Variants in LOXL4 observed in about 807,000 individuals in gnomAD.
LOXL4 encodes the protein lysyl oxidase like 4.
Under a neutral mutation model 89.1 loss-of-function variants are expected in LOXL4, and 72 were observed. The observed-to-expected ratio is 0.81, with a 90% confidence interval of 0.67 to 0.98. The LOEUF is 0.98. LOXL4 is among the 50% of genes least tolerant of loss of function. LOXL4 has a pLI of 0.00. For synonymous variants in LOXL4, 355 were observed against 392.1 expected (o/e 0.91, Z 1.12); for missense variants, 984 against 1,017.5 (o/e 0.97, Z 0.45).
intron 10 of LOXL4, among the ~76,000 whole-genome samples, chr10:98,254,927 G>A (rs775311885): frequency 3.3e-5 from 5 of 152,336 alleles, no homozygotes; most frequent in South Asian, 2.1e-4. Context: ...ATTTGGCCAC[G>A]AACAAGGTCA....
At chr10:98,262,402 G>C (rs1040894788) in intron 2 of LOXL4, among the ~76,000 whole-genome samples, 189 bp from the exon 3 acceptor site, 9 of 152,206 alleles carry the variant, frequency 5.9e-5, no homozygotes, top group African/African-American at 2.2e-4. Context: ...TTTGGGTGCT[G>C]GCTCTTAGAG....
intron 14 of LOXL4, 41 bp from the exon 15 acceptor site, chr10:98,249,032 A>G: frequency 6.6e-7 from 1 of 1,521,072 alleles, no homozygotes; most frequent in Non-Finnish European, 9.1e-7. Flanking sequence ...CAACCTTTCC[A>G]GTCTCATCCC....
At position 98,248,700 on chromosome 10, in the gene LOXL4, T is replaced by G. The variant is rs964677810; in HGVS notation, c.*221A>C. ...AGCTGAGCAAAGCCTGGAGGACATA[T>G]TCCATAGGCCACAGGCCCTTAGGGG... On this transcript the variant is annotated 3_prime_UTR_variant, in exon 15 of 15. Coordinates refer to ENST00000260702, the MANE Select transcript of LOXL4 (RefSeq NM_032211.7). 3.9e-6 allele frequency: 2 copies of G among 516,600 alleles called. No individual in the cohort carries two copies. Among genetic ancestry groups the G allele is most frequent in the East Asian group, 3.3e-5 (1 of 30,278 alleles). 32.0% of individuals were successfully genotyped at this position (516,600 alleles called of 1,614,324 possible). A position where few individuals can be genotyped will look rare whatever the true frequency, so the allele number is the denominator to read the frequency against.
chr10:98,253,826 CAA>C (rs780601635), intron 10 of LOXL4, 30 bp from the exon 11 acceptor site: 2 of 1,611,992 alleles, frequency 1.2e-6, no homozygotes, highest in African/African-American at 1.3e-5. Flanking sequence ...GGCAGTGACT[CAA>C]AGGGTGGAAA....
intron 10 of LOXL4, among the ~76,000 whole-genome samples, chr10:98,255,242 T>C (rs1356304218): frequency 1.3e-5 from 2 of 152,250 alleles, no homozygotes; most frequent in Non-Finnish European, 2.9e-5. Flanking sequence ...TGTAACCCAG[T>C]ATACACATAG....
rs968718717 is a variant in LOXL4, at chr10:98,256,559, T to C, written c.1428+221A>G. The stretch of plus-strand genomic sequence containing the variant: ...CTTGTCTGACTAATTTCTATTCATC[T>C]TTCCTGCAGATGCAAATGTGTCCCT... On this transcript the variant is annotated intron_variant, in intron 9 of 14. Coordinates refer to ENST00000260702, the MANE Select transcript of LOXL4 (RefSeq NM_032211.7). The C allele has an allele frequency of 5.2e-6, 3 of 582,346 alleles. No homozygotes were observed. The African/African-American group carries it at 5.6e-5, about 11-fold the overall frequency. The allele number at this position is 582,346 out of a possible 1,614,324, so 36.1% of individuals were successfully genotyped here.
At chr10:98,267,601 C>T (rs956851228) in intron 1 of LOXL4, among the ~76,000 whole-genome samples, 3 of 152,298 alleles carry the variant, frequency 2.0e-5, no homozygotes, top group Admixed American at 6.5e-5. Flanking sequence ...GGACCTGAAG[C>T]AGTGCCAACA....
At position 98,259,038 on chromosome 10, in the gene LOXL4, T is replaced by C. The variant is rs1393679940; in HGVS notation, c.892A>G (p.Lys298Glu). The change falls in exon 6 of 15, where the codon AAG becomes GAG. Residue 298 changes from lysine (K) to glutamate (E), a missense_variant. Transcript: ENST00000260702. ...AGPHFRPPKT[K>E]PQRKGSWAEE... ...GCCCAGGACCCTTTGCGTTGTGGCT[T>C]TGTCTTCGGTGGGCGGAAGTGAGGC... 7.1e-6 allele frequency: 11 copies of C among 1,557,944 alleles called. No homozygotes were observed. Among genetic ancestry groups the C allele is most frequent in the Non-Finnish European group, 8.7e-6 (10 of 1,150,180 alleles).
At chr10:98,256,282 A>G (rs532071196) in intron 9 of LOXL4, 53 of 195,944 alleles carry the variant, frequency 2.7e-4, no homozygotes, top group African/African-American at 1.1e-3. Context: ...GGCTACTACA[A>G]TAGCCTCCTG....
rs1858104051 is a variant in LOXL4, at chr10:98,248,693, G to C, written c.*228C>G. The C allele has an allele frequency of 2.0e-6, 1 of 503,798 alleles. No homozygotes were observed. The highest frequency in any genetic ancestry group is 3.5e-6 in the Non-Finnish European group (1 of 281,986). The allele number at this position is 503,798 out of a possible 1,614,324, so 31.2% of individuals were successfully genotyped here. On this transcript the variant is annotated 3_prime_UTR_variant, in exon 15 of 15. Coordinates refer to ENST00000260702, the MANE Select transcript of LOXL4 (RefSeq NM_032211.7). ...GGAGCTCAGCTGAGCAAAGCCTGGA[G>C]GACATATTCCATAGGCCACAGGCCC...
At chr10:98,266,782 T>C (rs2135850249) in intron 1 of LOXL4, among the ~76,000 whole-genome samples, 1 of 152,066 alleles carries the variant, frequency 6.6e-6, no homozygotes, top group East Asian at 1.9e-4. Flanking sequence ...CTCCTACACA[T>C]CCCACAAGGC....
At position 98,248,787 on chromosome 10, in the gene LOXL4, G is replaced by A; in HGVS notation, c.*134C>T. 3 of 743,762 alleles carry A rather than the reference G, an allele frequency of 4.0e-6. No individual in the cohort carries two copies. Among genetic ancestry groups the A allele is most frequent in the South Asian group, 3.6e-5 (2 of 54,968 alleles). 46.1% of individuals were successfully genotyped at this position (743,762 alleles called of 1,614,324 possible). On this transcript the variant is annotated 3_prime_UTR_variant, in exon 15 of 15. Transcript: ENST00000260702. ...GGATTGGTGATCTTGCCATCAAAAG[G>A]CTTCCTGAGCAGGTTCTTGGTGCCC... is the stretch of plus-strand genomic sequence containing the variant.
intron 3 of LOXL4, 49 bp downstream of exon 3, chr10:98,261,986 T>G (rs1858554212): frequency 6.5e-7 from 1 of 1,535,580 alleles, no homozygotes; most frequent in Non-Finnish European, 8.7e-7. Flanking sequence ...GGCTCTCTGT[T>G]CTCTGACCCA....
Position 98,265,552 on chromosome 10 carries a change from C to T in LOXL4, c.-32-2501G>A, listed in dbSNP as rs555646927. Among the ~76,000 whole-genome samples, 19 of 130,224 alleles carry T rather than the reference C, an allele frequency of 1.5e-4. 2 individuals are homozygous for T. The highest frequency in any genetic ancestry group is 5.1e-4 in the African/African-American group (18 of 35,416). 85.4% of individuals were successfully genotyped at this position (130,224 alleles called of 152,430 possible). ...CCAAGTAGCTGGGATTACAGGCATGCGCCAACATGCCCAGCTAATTTATCT... is the reference window on the plus strand; with the variant it reads ...CCAAGTAGCTGGGATTACAGGCATGTGCCAACATGCCCAGCTAATTTATCT... On this transcript the variant is annotated intron_variant, in intron 1 of 14. Transcript: ENST00000260702.
intron 1 of LOXL4, among the ~76,000 whole-genome samples, chr10:98,265,869 A>G (rs557116561): frequency 1.8e-4 from 27 of 152,006 alleles, no homozygotes; most frequent in African/African-American, 6.0e-4. Flanking sequence ...TTTTCCCTCC[A>G]CCCACACTGC....
intron 14 of LOXL4, 43 bp downstream of exon 14, chr10:98,250,999 GTACATTTACAGTGTTCCAGCTCC>G: frequency 8.9e-7 from 1 of 1,129,572 alleles, no homozygotes; most frequent in South Asian, 1.3e-5. Context: ...GGAGCAGAGG[GTACATTTACAGTGTTCCAGCTCC>G]CTGAGCCTAT....
intron 10 of LOXL4, among the ~76,000 whole-genome samples, chr10:98,255,162 G>T (rs1447777217): frequency 1.3e-5 from 2 of 152,210 alleles, no homozygotes; most frequent in Non-Finnish European, 2.9e-5. Flanking sequence ...GCTCATATTT[G>T]TATGTCCTCT....
At chr10:98,260,037 A>G (rs1858494754) in intron 4 of LOXL4, among the ~76,000 whole-genome samples, 1 of 152,238 alleles carries the variant, frequency 6.6e-6, no homozygotes, top group African/African-American at 2.4e-5. Flanking sequence ...ACTCAGACGT[A>G]CTACGGGAGA....
rs750058376 is a variant in LOXL4, at chr10:98,255,719, C to A, written c.1449G>T (p.Gly483=). The part of the protein sequence containing the change: ...HAYKETWFWS[G]TPRAQEVVMS... ...TCACCACCTCCTGGGCCCTTGGCGTCCCCGACCAGAACCAGGTTTCCTAAG... is the reference window on the plus strand; with the variant it reads ...TCACCACCTCCTGGGCCCTTGGCGTACCCGACCAGAACCAGGTTTCCTAAG... Residue 483 remains glycine (G), a synonymous_variant, in exon 10 of 15, where the codon GGG becomes GGT. Transcript: ENST00000260702. 2 of 1,611,426 alleles carry A rather than the reference C, an allele frequency of 1.2e-6. No homozygotes were observed. Among genetic ancestry groups the A allele is most frequent in the Non-Finnish European group, 1.7e-6 (2 of 1,177,872 alleles).
Sources: allele counts gnomAD v4.1 joint callset (sites outside exome capture counted in the v4.1 genomes callset), GRCh38; gene constraint gnomAD v4.1.1; transcripts MANE v1.5; gene names NCBI Gene and HGNC (gene_info 2026-07-23, HGNC 2026-07-21).